PPRC1: variants seen among roughly 807,000 people sequenced by gnomAD.
The protein encoded by PPRC1 is peroxisome proliferator-activated receptor gamma coactivator-related protein 1.
PPRC1 carries 23 observed loss-of-function variants against 132.5 expected under a neutral mutation model. The observed-to-expected ratio is 0.17, with a 90% confidence interval of 0.12 to 0.25. PPRC1 has a LOEUF of 0.25. PPRC1 is among the 10% of genes least tolerant of loss of function. The pLI is 1.00. For missense variants in PPRC1, 2,006 were observed against 2,089.1 expected, an observed-to-expected ratio of 0.96 and a Z score of 0.78; for synonymous variants, 872 against 833.5, an observed-to-expected ratio of 1.05 and a Z score of -0.80.
chr10:102,147,324 CTCA>C lies in PPRC1; in HGVS notation c.4338_4340del (p.Ser1451del), dbSNP rs1564957156. The C allele has an allele frequency of 5.0e-6, 8 of 1,612,128 alleles. No individual in the cohort carries two copies. The South Asian group carries it at 7.7e-5, about 15-fold the overall frequency. ...GGACTAGCGAAGCATCTTCCTCATC[CTCA>C]TCATCGTCTTCCTCATCCCGATCTC... On this transcript the variant is annotated inframe_deletion, in exon 9 of 14. Coordinates refer to ENST00000278070, the MANE Select transcript of PPRC1 (RefSeq NM_015062.5).
chr10:102,120,019 C>A, the PPRC1 span: 1 of 1,283,298 alleles, frequency 7.8e-7, no homozygotes, highest in Non-Finnish European at 1.0e-6. Flanking sequence ...TCTCGCCAAA[C>A]ACGGGGTGAG....
the PPRC1 span, among the ~76,000 whole-genome samples, chr10:102,125,258 T>A: frequency 7.1e-5 from 8 of 113,060 alleles, no homozygotes; most frequent in Non-Finnish European, 1.3e-4. Flanking sequence ...ACCCAGTTAA[T>A]TTTTTTTTTT....
intron 6 of PPRC1, among the ~76,000 whole-genome samples, chr10:102,143,436 TAA>T (rs2069084424): frequency 6.6e-6 from 1 of 151,880 alleles, no homozygotes; most frequent in African/African-American, 2.4e-5. Flanking sequence ...CCGTATCTAC[TAA>T]AAATACAAAA....
At chr10:102,143,157 C>T (rs758416401) in intron 6 of PPRC1, 59 bp downstream of exon 6, 41 of 1,525,740 alleles carry the variant, frequency 2.7e-5, no homozygotes, top group Non-Finnish European at 3.5e-5. Flanking sequence ...TTTTTGGGCC[C>T]AGCCCTGTAG....
upstream of PPRC1, among the ~76,000 whole-genome samples, chr10:102,128,999 G>C (rs1277050862): frequency 2.2e-5 from 3 of 138,418 alleles, no homozygotes; most frequent in Non-Finnish European, 4.6e-5. Context: ...GCGCGATCTC[G>C]GCTCACTGCA....
chr10:102,128,891 G>A (rs1463591796), upstream of PPRC1, among the ~76,000 whole-genome samples: 1 of 148,048 alleles, frequency 6.8e-6, no homozygotes, highest in Non-Finnish European at 1.5e-5. Flanking sequence ...TGGGATTACA[G>A]GCCTGAGCCA....
chr10:102,128,621 T>TTTTTTG (rs1554911684), upstream of PPRC1, among the ~76,000 whole-genome samples: 4 of 151,398 alleles, frequency 2.6e-5, no homozygotes, highest in African/African-American at 9.7e-5. Flanking sequence ...TTTTTTTTTT[T>TTTTTTG]TCTTTTTTTT....
chr10:102,149,190 C>T lies in PPRC1; in HGVS notation c.4752C>T (p.Gly1584=). 1 of 1,592,884 alleles carries T rather than the reference C, an allele frequency of 6.3e-7. No homozygotes were observed. Among genetic ancestry groups the T allele is most frequent in the Non-Finnish European group, 8.6e-7 (1 of 1,168,566 alleles). Residue 1584 remains glycine, a synonymous_variant, in exon 13 of 14, where the codon GGC becomes GGT. Transcript: ENST00000278070. ...IHFRVQGDNY[G]FVTYRYAEEA... ...CTCCTCCTACTAGGGACAACTACGG[C>T]TTCGTCACTTATCGCTATGCTGAGG...
At chr10:102,129,871 T>C (rs1021566496), upstream of PPRC1, among the ~76,000 whole-genome samples, 2 of 152,200 alleles carry the variant, frequency 1.3e-5, no homozygotes, top group Non-Finnish European at 2.9e-5. Context: ...CCCAAAGTGT[T>C]GTAATTACAG....
intron 1 of PPRC1, 78 bp from the exon 2 acceptor site, chr10:102,137,772 A>T (rs2068778042): frequency 2.9e-6 from 4 of 1,399,936 alleles, no homozygotes; most frequent in Non-Finnish European, 3.9e-6. Context: ...CCAGCAGTGG[A>T]GGGTACCTGA....
chr10:102,140,388 C>T lies in PPRC1; in HGVS notation c.1880C>T (p.Ala627Val). Residue 627 changes from alanine to valine, a missense_variant, in exon 5 of 14, where the codon GCT (alanine) becomes GTT (valine). Ala to Val is a moderately conservative substitution (Grantham distance 64). This residue lies in a region of PPRC1 where 1,914 missense variants were observed against 1,917.2 expected (regional missense o/e 1.00). Coordinates refer to ENST00000278070, the MANE Select transcript of PPRC1 (RefSeq NM_015062.5). ...TCAGAACTGGTTGAGCCTCTCCCGG[C>T]TGAGCCAGTGCTGATCAACCCAGTC... ...TSSELVEPLP[A>V]EPVLINPVLA... The T allele has an allele frequency of 6.2e-7, 1 of 1,614,210 alleles. No homozygotes were observed. The highest frequency in any genetic ancestry group is 8.5e-7 in the Non-Finnish European group (1 of 1,180,036).
At chr10:102,130,741 C>A (rs1431616012), upstream of PPRC1, among the ~76,000 whole-genome samples, 1 of 151,104 alleles carries the variant, frequency 6.6e-6, no homozygotes, top group African/African-American at 2.4e-5. Flanking sequence ...ATCTCACACA[C>A]AAAAAACAAA....
the PPRC1 span, chr10:102,120,195 C>G: frequency 5.6e-6 from 6 of 1,076,688 alleles, no homozygotes; most frequent in Non-Finnish European, 6.8e-6. Flanking sequence ...CCGCCGCCGC[C>G]GCCCGCGGCC....
chr10:102,148,441 G>A lies in PPRC1; in HGVS notation c.4470G>A (p.Ser1490=), dbSNP rs759544172. 108 of 1,611,010 alleles carry A rather than the reference G, an allele frequency of 6.7e-5. No individual in the cohort carries two copies. Among genetic ancestry groups the A allele is most frequent in the Non-Finnish European group, 8.5e-5 (100 of 1,177,482 alleles). The change falls in exon 10 of 14, where the codon TCG becomes TCA. Residue 1490 remains serine, a synonymous_variant. Transcript: ENST00000278070. This position sits in a 1 kb window ranked among gnomAD's most constrained non-coding sequence, Gnocchi z 4.2. The stretch of plus-strand genomic sequence containing the variant: ...CTTCTTCGTCATCATCTTCCTCTTC[G>A]TCTTCCTCATCCTCATCATCCAGTT... ...SSSSSSSSSS[S]SSSSSSSSSR...
At chr10:102,134,006 C>G (rs956608299) in intron 1 of PPRC1, among the ~76,000 whole-genome samples, 1 of 151,838 alleles carries the variant, frequency 6.6e-6, no homozygotes, top group Non-Finnish European at 1.5e-5. Context: ...GGGTAGAGGG[C>G]TGAGGCTGAA....
At chr10:102,147,609 G>T (rs2069320268) in intron 9 of PPRC1, among the ~76,000 whole-genome samples, 1 of 152,184 alleles carries the variant, frequency 6.6e-6, no homozygotes. Context: ...GGGGTGTCAG[G>T]TCTCCTGCTT....
chr10:102,120,394 T>TGC, the PPRC1 span: 4 of 983,368 alleles, frequency 4.1e-6, no homozygotes, highest in South Asian at 1.4e-4. Context: ...TGTGCGCGTG[T>TGC]GCGTGTGCGT....
chr10:102,124,770 G>A, the PPRC1 span, among the ~76,000 whole-genome samples: 1 of 151,344 alleles, frequency 6.6e-6, no homozygotes, highest in African/African-American at 2.4e-5. Flanking sequence ...AGCCTCCCAA[G>A]TAGCTAGGAC....
the PPRC1 span, among the ~76,000 whole-genome samples, chr10:102,123,632 A>G: frequency 1.3e-5 from 2 of 152,002 alleles, no homozygotes; most frequent in East Asian, 3.9e-4. Context: ...AGTTCAAGCA[A>G]TTCTCCCTAC....
Sources: gnomAD v4.1 joint callset for allele counts (sites outside exome capture counted in the v4.1 genomes callset) on GRCh38, gnomAD v4.1.1 for gene constraint, gnomAD v4.1.1 regional missense constraint, Gnocchi (gnomAD v3.1) non-coding constraint, MANE v1.5 for transcripts, NCBI Gene and HGNC (gene_info 2026-07-23, HGNC 2026-07-21) for gene names.